Variants in GMDS observed in about 807,000 individuals in gnomAD.
GMDS encodes GDP-mannose 4,6 dehydratase.
In GMDS, 20 loss-of-function variants were observed where a neutral mutation model predicts 49.9. The ratio of observed to expected loss-of-function variants is 0.40; its 90% CI spans 0.28 to 0.58. The LOEUF (loss-of-function observed/expected upper bound fraction) is 0.58. Among genes scored for constraint, GMDS ranks in the 20% least tolerant of loss-of-function variants. The probability of loss-of-function intolerance (pLI) is 0.42; values close to 1 mark genes in which losing one functional copy is unlikely to be tolerated. For synonymous variants in GMDS, 177 were observed against 178.6 expected (o/e 0.99, Z 0.07); for missense variants, 362 against 481.4 (o/e 0.75, Z 2.32).
intron 7 of GMDS, among the ~76,000 whole-genome samples, chr6:1,784,261 G>A (rs1989391): frequency 0.19 from 28,042 of 151,266 alleles, 2,838 homozygotes; most frequent in East Asian, 0.34. Flanking sequence ...GTGTGGTGGC[G>A]GGCACCTGTA....
chr6:2,223,136 G>GCT lies in GMDS; in HGVS notation c.102+22183_102+22184dup, dbSNP rs1275964333. On this transcript the variant is annotated intron_variant, in intron 1 of 10. Coordinates refer to ENST00000380815, the MANE Select transcript of GMDS (RefSeq NM_001500.4). ...CAATCAATCAATCAATCAATAGCGC[G>GCT]CTCTCTCTCTCTCTATATATATATA... 1.1e-3 allele frequency among the ~76,000 whole-genome samples: 169 copies of GCT among 148,604 alleles called. 1 individual carries two copies. The highest frequency in any genetic ancestry group is 6.9e-3 in the Middle Eastern group (2 of 290).
chr6:1,984,986 C>G (rs890459083), intron 4 of GMDS, among the ~76,000 whole-genome samples: 5 of 152,134 alleles, frequency 3.3e-5, no homozygotes, highest in African/African-American at 1.2e-4. Flanking sequence ...CCATGAGTAA[C>G]AGGGTAACAG....
At chr6:2,161,679 T>C (rs1334976104) in intron 1 of GMDS, among the ~76,000 whole-genome samples, 1 of 152,158 alleles carries the variant, frequency 6.6e-6, no homozygotes, top group Non-Finnish European at 1.5e-5. Context: ...AACCAATCAG[T>C]CTAGGACAGA....
At position 2,235,820 on chromosome 6, in the gene GMDS, A is replaced by T. The variant is rs574755112; in HGVS notation, c.102+9501T>A. On this transcript the variant is annotated intron_variant, in intron 1 of 10. Transcript: ENST00000380815. Reference sequence around the variant, plus strand: ...CCCTTTCTGGAAAATAAAAAAAAATAAAAAAAATAAGAAAAAAAAAAAAAG... The same window carrying T: ...CCCTTTCTGGAAAATAAAAAAAAATTAAAAAAATAAGAAAAAAAAAAAAAG... Among the ~76,000 whole-genome samples, 25 of 151,474 alleles carry T rather than the reference A, an allele frequency of 1.7e-4. No homozygotes were observed. The South Asian group carries it at 4.2e-3, about 25-fold the overall frequency.
intron 6 of GMDS, among the ~76,000 whole-genome samples, chr6:1,934,906 T>G (rs1160064178): frequency 6.6e-6 from 1 of 152,066 alleles, no homozygotes; most frequent in Non-Finnish European, 1.5e-5. Flanking sequence ...CTGTCCTGAG[T>G]CAGGACAAGT....
intron 7 of GMDS, among the ~76,000 whole-genome samples, chr6:1,795,058 G>C (rs1320312081): frequency 1.3e-5 from 2 of 152,108 alleles, no homozygotes; most frequent in Non-Finnish European, 2.9e-5. Context: ...AAATTAGCCA[G>C]GCATGGTGGC....
chr6:2,039,758 C>G (rs1459596326), intron 4 of GMDS, among the ~76,000 whole-genome samples: 1 of 152,098 alleles, frequency 6.6e-6, no homozygotes, highest in Non-Finnish European at 1.5e-5. Flanking sequence ...ATAACACCTT[C>G]TTCTGAAATC....
chr6:2,169,536 A>T (rs541205407), intron 1 of GMDS, among the ~76,000 whole-genome samples: 1 of 150,624 alleles, frequency 6.6e-6, no homozygotes, highest in Non-Finnish European at 1.5e-5. Context: ...TGAACCAAGG[A>T]TGCAGAGGTT....
At chr6:2,113,368 C>G (rs1265281076) in intron 4 of GMDS, among the ~76,000 whole-genome samples, 1 of 152,062 alleles carries the variant, frequency 6.6e-6, no homozygotes, top group East Asian at 1.9e-4. Flanking sequence ...AGACTCTTAC[C>G]TCTAGAAGTC....
At chr6:1,650,005 G>A (rs534349951) in intron 9 of GMDS, among the ~76,000 whole-genome samples, 192 of 152,308 alleles carry the variant, frequency 1.3e-3, no homozygotes, top group African/African-American at 4.2e-3. Flanking sequence ...AGTAACTTCC[G>A]AAGTGATGAT....
chr6:1,832,216 C>A (rs530131815), intron 7 of GMDS, among the ~76,000 whole-genome samples: 1 of 151,094 alleles, frequency 6.6e-6, no homozygotes, highest in Non-Finnish European at 1.5e-5. Context: ...TATAACAAGA[C>A]CCCATCTCTA....
chr6:1,975,196 T>C (rs774842729), intron 4 of GMDS, among the ~76,000 whole-genome samples: 3 of 152,170 alleles, frequency 2.0e-5, no homozygotes, highest in Non-Finnish European at 4.4e-5. Flanking sequence ...TGGCAGAAAG[T>C]AAAGTGGCTT....
chr6:1,900,886 G>C (rs1053837743), intron 7 of GMDS, among the ~76,000 whole-genome samples: 26 of 152,222 alleles, frequency 1.7e-4, no homozygotes, highest in African/African-American at 5.8e-4. Context: ...CACTCTCGAT[G>C]ATATCACTCA....
chr6:2,016,078 A>AAAT (rs1767877268), intron 4 of GMDS, among the ~76,000 whole-genome samples: 1 of 118,604 alleles, frequency 8.4e-6, no homozygotes, highest in Non-Finnish European at 1.8e-5. Context: ...AAAAAAAAAA[A>AAAT]AAATAAATTA....
At chr6:1,722,127 T>G (rs1268245901) in intron 9 of GMDS, among the ~76,000 whole-genome samples, 3 of 142,782 alleles carry the variant, frequency 2.1e-5, no homozygotes, top group Non-Finnish European at 4.5e-5. Context: ...AGTGCAGTGG[T>G]GTGATCTTGG....
intron 9 of GMDS, among the ~76,000 whole-genome samples, chr6:1,698,919 C>A (rs1273139799): frequency 1.3e-5 from 2 of 151,802 alleles, no homozygotes; most frequent in Admixed American, 6.6e-5. Context: ...AGAGGCAGTG[C>A]CACTTCACAG....
At chr6:1,965,659 C>T (rs953329398) in intron 4 of GMDS, among the ~76,000 whole-genome samples, 2 of 151,474 alleles carry the variant, frequency 1.3e-5, no homozygotes, top group Non-Finnish European at 2.9e-5. Flanking sequence ...CCTATGTCTA[C>T]AAAAAAAATT....
At chr6:1,944,714 T>C (rs1469866524) in intron 6 of GMDS, among the ~76,000 whole-genome samples, 3 of 149,194 alleles carry the variant, frequency 2.0e-5, no homozygotes, top group African/African-American at 7.4e-5. Context: ...CGAAGTAACT[T>C]AACAAAAATA....
chr6:2,197,335 G>A (rs543478853), intron 1 of GMDS, among the ~76,000 whole-genome samples: 2 of 152,176 alleles, frequency 1.3e-5, no homozygotes, highest in Admixed American at 6.5e-5. Context: ...TCCTCCTCCC[G>A]CCCAGGTTCT....
Sources: allele counts gnomAD v4.1 joint callset (sites outside exome capture counted in the v4.1 genomes callset), GRCh38; gene constraint gnomAD v4.1.1; transcripts MANE v1.5; gene names NCBI Gene and HGNC (gene_info 2026-07-23, HGNC 2026-07-21).